The following MACROD2 variants were observed in gnomAD, a reference collection of about 807,000 sequenced individuals.
MACROD2 encodes mono-ADP ribosylhydrolase 2.
MACROD2 carries 36 observed loss-of-function variants against 70.4 expected under a neutral mutation model. The ratio of observed to expected loss-of-function variants is 0.51; its 90% confidence interval spans 0.39 to 0.68. The LOEUF is 0.68. Ranked by LOEUF, MACROD2 falls within the 30% of genes least tolerant of loss-of-function variation. The probability of loss-of-function intolerance (pLI) is 0.00; values close to 1 mark genes in which losing one functional copy is unlikely to be tolerated. For synonymous variants in MACROD2, 172 were observed against 178.8 expected (o/e 0.96, Z 0.30); for missense variants, 496 against 538.4 (o/e 0.92, Z 0.78).
At chr20:14,289,350 A>G (rs568701433) in intron 3 of MACROD2, among the ~76,000 whole-genome samples, 10 of 152,358 alleles carry the variant, frequency 6.6e-5, no homozygotes, top group Non-Finnish European at 1.5e-4. Context: ...AAAAATTACA[A>G]AAGTAACCCT....
chr20:15,428,861 TC>T (rs1211254529), intron 6 of MACROD2, among the ~76,000 whole-genome samples: 1 of 152,146 alleles, frequency 6.6e-6, no homozygotes, highest in Non-Finnish European at 1.5e-5. Context: ...AATCTTGCCT[TC>T]CCTACACCTT....
intron 6 of MACROD2, among the ~76,000 whole-genome samples, chr20:15,282,797 T>G (rs1472012502): frequency 6.6e-6 from 1 of 152,194 alleles, no homozygotes; most frequent in Non-Finnish European, 1.5e-5. Flanking sequence ...CAAAGGTGCT[T>G]CCACATTCTG....
intron 5 of MACROD2, among the ~76,000 whole-genome samples, chr20:14,927,036 T>C (rs943483179): frequency 3.3e-5 from 5 of 152,184 alleles, no homozygotes; most frequent in Admixed American, 6.5e-5. Flanking sequence ...AAACTTCCAG[T>C]GTTCAATTTC....
intron 5 of MACROD2, among the ~76,000 whole-genome samples, chr20:14,740,438 A>C (rs908170636): frequency 6.6e-6 from 1 of 152,192 alleles, no homozygotes; most frequent in Admixed American, 6.5e-5. Flanking sequence ...TTTTCTTTTT[A>C]AGTGGCAAAT....
At chr20:15,803,817 G>A (rs902611478) in intron 8 of MACROD2, among the ~76,000 whole-genome samples, 9 of 152,064 alleles carry the variant, frequency 5.9e-5, no homozygotes, top group Admixed American at 4.6e-4. Context: ...ACATAGCAAT[G>A]CAAATAGAGA....
At chr20:14,165,985 A>T (rs941473379) in intron 3 of MACROD2, among the ~76,000 whole-genome samples, 4 of 152,230 alleles carry the variant, frequency 2.6e-5, no homozygotes, top group Non-Finnish European at 4.4e-5. Context: ...AATGAAACAT[A>T]AAATGCTCTT....
intron 6 of MACROD2, among the ~76,000 whole-genome samples, chr20:15,288,523 C>A (rs1448874481): frequency 1.3e-5 from 2 of 152,146 alleles, no homozygotes; most frequent in African/African-American, 4.8e-5. Context: ...AAGATCCACC[C>A]TTATTAAGTG....
chr20:14,368,952 T>C (rs960437079), intron 3 of MACROD2, among the ~76,000 whole-genome samples: 1 of 152,228 alleles, frequency 6.6e-6, no homozygotes, highest in African/African-American at 2.4e-5. Flanking sequence ...TCATTTCCTG[T>C]TTGCATTGAT....
At chr20:15,595,346 A>T (rs2146676889) in intron 8 of MACROD2, among the ~76,000 whole-genome samples, 1 of 152,336 alleles carries the variant, frequency 6.6e-6, no homozygotes, top group Admixed American at 6.5e-5. Flanking sequence ...CATACAAAAA[A>T]TTTATAGCAC....
At chr20:15,428,990 C>T (rs926509116) in intron 6 of MACROD2, among the ~76,000 whole-genome samples, 2 of 152,136 alleles carry the variant, frequency 1.3e-5, no homozygotes, top group Non-Finnish European at 2.9e-5. Context: ...TGTAAACTCA[C>T]TTTTATCCTA....
chr20:14,996,005 A>T (rs578018341), intron 5 of MACROD2, among the ~76,000 whole-genome samples: 10 of 152,338 alleles, frequency 6.6e-5, no homozygotes, highest in African/African-American at 2.2e-4. Flanking sequence ...AGAGAAATTC[A>T]ATACTGCTGA....
chr20:14,073,538 A>G (rs186863478), intron 2 of MACROD2, among the ~76,000 whole-genome samples: 1 of 152,334 alleles, frequency 6.6e-6, no homozygotes, highest in Admixed American at 6.5e-5. Context: ...TCCAGGGAAT[A>G]TAATTCATGT....
At chr20:14,871,394 A>G (rs2073486884) in intron 5 of MACROD2, among the ~76,000 whole-genome samples, 2 of 152,128 alleles carry the variant, frequency 1.3e-5, no homozygotes, top group African/African-American at 4.8e-5. Flanking sequence ...AGAAATTCCA[A>G]CCCAGGATTT....
chr20:15,984,953 A>G (rs986724713), intron 13 of MACROD2, among the ~76,000 whole-genome samples: 1 of 152,090 alleles, frequency 6.6e-6, no homozygotes, highest in Admixed American at 6.5e-5. Context: ...AACTAGCTGT[A>G]ACTGTCTATG....
intron 5 of MACROD2, among the ~76,000 whole-genome samples, chr20:15,177,426 C>T (rs769771245): frequency 1.3e-5 from 2 of 152,210 alleles, no homozygotes; most frequent in Non-Finnish European, 2.9e-5. Flanking sequence ...TGTTTTAAAC[C>T]TCTGTAGCCT....
intron 3 of MACROD2, among the ~76,000 whole-genome samples, chr20:14,246,907 C>T (rs1196731399): frequency 6.6e-6 from 1 of 152,152 alleles, no homozygotes; most frequent in African/African-American, 2.4e-5. Flanking sequence ...TTAGGGGCCT[C>T]ATTTCCATGG....
intron 4 of MACROD2, among the ~76,000 whole-genome samples, chr20:14,625,861 C>T (rs950452090): frequency 1.1e-4 from 17 of 152,122 alleles, no homozygotes; most frequent in African/African-American, 3.1e-4. Flanking sequence ...CTCACTCTAT[C>T]GCCCAGGCTG....
At chr20:14,101,621 G>A (rs562085649) in intron 3 of MACROD2, among the ~76,000 whole-genome samples, 4 of 152,100 alleles carry the variant, frequency 2.6e-5, no homozygotes, top group African/African-American at 7.2e-5. Flanking sequence ...TGGTTATTTT[G>A]TGTTTATAAG....
At chr20:15,425,368 A>G (rs1462289034) in intron 6 of MACROD2, among the ~76,000 whole-genome samples, 7 of 152,132 alleles carry the variant, frequency 4.6e-5, no homozygotes, top group Non-Finnish European at 1.0e-4. Flanking sequence ...AGCATGTGTT[A>G]TATTTTAACT....
Sources: gnomAD v4.1 joint callset for allele counts (sites outside exome capture counted in the v4.1 genomes callset) on GRCh38, gnomAD v4.1.1 for gene constraint, MANE v1.5 for transcripts, NCBI Gene and HGNC (gene_info 2026-07-23, HGNC 2026-07-21) for gene names.